The following N4BP1 variants were observed in gnomAD, a reference collection of about 807,000 sequenced individuals.
N4BP1 encodes NEDD4 binding protein 1.
A neutral mutation model predicts 70.9 loss-of-function variants in N4BP1; 21 were observed. That is an observed-to-expected ratio of 0.30 (90% confidence interval 0.21 to 0.43). The LOEUF is 0.43. N4BP1 is among the 20% of genes least tolerant of loss of function. The pLI, the probability that N4BP1 is intolerant of heterozygous loss-of-function variation, is 1.00. For missense variants in N4BP1, 936 were observed against 1,069.4 expected (o/e 0.88, Z 1.74); for synonymous variants, 387 against 394.6 (o/e 0.98, Z 0.23).
intron 6 of N4BP1, among the ~76,000 whole-genome samples, chr16:48,545,407 T>A: frequency 6.9e-6 from 1 of 145,008 alleles, no homozygotes. Flanking sequence ...CCGTTTCTGC[T>A]AAAAAAAAAA....
chr16:48,600,554 C>T (rs1964479400), intron 1 of N4BP1: 1 of 578,170 alleles, frequency 1.7e-6, no homozygotes, highest in Non-Finnish European at 3.3e-6. Context: ...GCAAAACATC[C>T]ATCTTATCTG....
rs539428760 is a variant in N4BP1 at position 48,590,633 on chromosome 16, C to T, written c.198+19142G>A. On this transcript the variant is annotated intron_variant, in intron 1 of 6. Transcript: ENST00000262384. ...TGGCTGACTCTGACACTGTCTCTAC[C>T]GACAGGGCACTGCCAACCCAATGTG... Among the ~76,000 whole-genome samples the T allele has an allele frequency of 7.2e-5, 11 of 152,170 alleles. No individual in the cohort carries two copies. The East Asian group carries it at 1.5e-3, about 21-fold the overall frequency.
intron 1 of N4BP1, among the ~76,000 whole-genome samples, chr16:48,564,798 C>T (rs1036728387): frequency 6.6e-6 from 1 of 152,156 alleles, no homozygotes; most frequent in Non-Finnish European, 1.5e-5. Flanking sequence ...ATCCATGAAC[C>T]TGGTATTTCT....
chr16:48,569,549 G>A (rs1048383459), intron 1 of N4BP1, among the ~76,000 whole-genome samples: 8 of 152,178 alleles, frequency 5.3e-5, no homozygotes, highest in African/African-American at 1.9e-4. Flanking sequence ...ATGCCACCAC[G>A]CCTGGCTAAT....
chr16:48,575,617 C>CT (rs2151093809), intron 1 of N4BP1, among the ~76,000 whole-genome samples: 1 of 152,286 alleles, frequency 6.6e-6, no homozygotes, highest in African/African-American at 2.4e-5. Flanking sequence ...CACCACTACT[C>CT]AGCATCTTGT....
Position 48,560,816 on chromosome 16 carries a change from T to G in N4BP1, c.1827A>C (p.Lys609Asn), listed in dbSNP as rs374571601. The change falls in exon 2 of 7, where the codon AAA (lysine) becomes AAC (asparagine). Residue 609 changes from lysine (K) to asparagine (N), a missense_variant. Around this residue, in one of 4 missense-constraint regions of N4BP1, gnomAD observed 515 missense variants for 491.7 expected, o/e 1.05. Coordinates refer to ENST00000262384, the MANE Select transcript of N4BP1 (RefSeq NM_153029.4). Reference sequence around the variant, plus strand: ...TCAAATCCGTTCTCCCTGGTTCATTTTTTAATTCCAGCTTGTAGGGTATTT... The same window carrying G: ...TCAAATCCGTTCTCCCTGGTTCATTGTTTAATTCCAGCTTGTAGGGTATTT... ...TLKIPYKLEL[K>N]NEPGRTDLKH... 3 of 1,613,642 alleles carry G rather than the reference T, an allele frequency of 1.9e-6. No homozygotes were observed. In the African/African-American group the frequency reaches 4.0e-5, roughly 22 times the overall value.
intron 1 of N4BP1, among the ~76,000 whole-genome samples, chr16:48,605,876 T>C (rs1964572810): frequency 6.6e-6 from 1 of 152,188 alleles, no homozygotes; most frequent in African/African-American, 2.4e-5. Flanking sequence ...GAGGAATCTG[T>C]GATGCAACTG....
At chr16:48,572,425 G>A (rs190405851) in intron 1 of N4BP1, among the ~76,000 whole-genome samples, 19 of 152,260 alleles carry the variant, frequency 1.2e-4, no homozygotes, top group African/African-American at 4.1e-4. Flanking sequence ...CTGGATGATG[G>A]GGGAGGGGGG....
rs964484514 is a variant in N4BP1 at position 48,560,903 on chromosome 16, T to G, written c.1740A>C (p.Ala580=). 13 of 1,613,934 alleles carry G rather than the reference T, an allele frequency of 8.1e-6. No individual in the cohort carries two copies. The highest frequency in any genetic ancestry group is 1.1e-5 in the Non-Finnish European group (13 of 1,179,892). ...AGGAATCAATATGATCAGAAGGTCC[T>G]GCCGACCTTGCATCAGTAACCGAAG... ...LLPSVTDARS[A]GPSDHIDSSV... is the part of the protein sequence containing the mutation. Residue 580 remains alanine, a synonymous_variant, in exon 2 of 7, where the codon GCA becomes GCC. Coordinates refer to ENST00000262384, the MANE Select transcript of N4BP1 (RefSeq NM_153029.4).
chr16:48,566,959 G>C lies in N4BP1; in HGVS notation c.199-4515C>G, dbSNP rs1399825883. On this transcript the variant is annotated intron_variant, in intron 1 of 6. Coordinates refer to ENST00000262384, the MANE Select transcript of N4BP1 (RefSeq NM_153029.4). ...ATTGACCCTCTTGCCATTATGTAGT[G>C]TCTCTCTTAATCTCTGGTAACTTTC... 2.0e-5 allele frequency among the ~76,000 whole-genome samples: 3 copies of C among 152,162 alleles called. No homozygotes were observed. The East Asian group carries it at 5.8e-4, about 29-fold the overall frequency.
intron 1 of N4BP1, among the ~76,000 whole-genome samples, chr16:48,591,356 T>C (rs1964335294): frequency 6.7e-6 from 1 of 148,512 alleles, no homozygotes; most frequent in Non-Finnish European, 1.5e-5. Context: ...TTCTCCAAAC[T>C]GCCCTTGGGA....
At chr16:48,599,109 T>C (rs1351475780) in intron 1 of N4BP1, among the ~76,000 whole-genome samples, 2 of 152,166 alleles carry the variant, frequency 1.3e-5, no homozygotes, top group African/African-American at 4.8e-5. Context: ...GGGTACAAGC[T>C]TGGAGAACTG....
intron 6 of N4BP1, 24 bp downstream of exon 6, chr16:48,546,123 A>G: frequency 6.7e-7 from 1 of 1,496,128 alleles, no homozygotes. Context: ...GTTTTAATAC[A>G]AGACAATCTG....
chr16:48,607,234 T>C (rs1177696933), intron 1 of N4BP1, among the ~76,000 whole-genome samples: 1 of 152,126 alleles, frequency 6.6e-6, no homozygotes, highest in African/African-American at 2.4e-5. Context: ...AAAACAGGCA[T>C]TGGGCAGGTC....
At chr16:48,545,509 C>T (rs1332533227) in intron 6 of N4BP1, among the ~76,000 whole-genome samples, 4 of 148,924 alleles carry the variant, frequency 2.7e-5, no homozygotes, top group Admixed American at 6.7e-5. Flanking sequence ...ACCTGGGAGG[C>T]GGAGGTTGCA....
In N4BP1 at chr16:48,540,509, G is replaced by A. The variant is rs1279099312; in HGVS notation, c.*2395C>T. 1.3e-5 allele frequency: 2 copies of A among 152,320 alleles called. No individual in the cohort carries two copies. The highest frequency in any genetic ancestry group is 4.8e-5 in the African/African-American group (2 of 41,460). 9.4% of individuals were successfully genotyped at this position (152,320 alleles called of 1,614,324 possible). On this transcript the variant is annotated 3_prime_UTR_variant, in exon 7 of 7. Transcript: ENST00000262384. ...AATGCAGCCTACAGGGGTTCAAACA[G>A]ACTGCTTGCATTAAGGTCAGACAAG... is the stretch of plus-strand genomic sequence containing the variant.
chr16:48,563,150 A>AC (rs1963885209), intron 1 of N4BP1, among the ~76,000 whole-genome samples: 3 of 151,932 alleles, frequency 2.0e-5, no homozygotes, highest in African/African-American at 7.2e-5. Context: ...TTAAAAAAAA[A>AC]AGTTTTCTTT....
intron 1 of N4BP1, among the ~76,000 whole-genome samples, chr16:48,585,839 G>A (rs1314219264): frequency 6.6e-6 from 1 of 152,132 alleles, no homozygotes; most frequent in African/African-American, 2.4e-5. Context: ...GGGACTACAG[G>A]CAGACACCAC....
At chr16:48,583,085 CAATAAATA>C (rs902478306) in intron 1 of N4BP1, among the ~76,000 whole-genome samples, 1 of 151,782 alleles carries the variant, frequency 6.6e-6, no homozygotes, top group Non-Finnish European at 1.5e-5. Context: ...GGCCCTGTCT[CAATAAATA>C]AATAAATAAA....
Sources: gnomAD v4.1 joint callset for allele counts (sites outside exome capture counted in the v4.1 genomes callset) on GRCh38, gnomAD v4.1.1 for gene constraint, gnomAD v4.1.1 regional missense constraint, MANE v1.5 for transcripts, NCBI Gene and HGNC (gene_info 2026-07-23, HGNC 2026-07-21) for gene names.